The following GRM7 variants were observed in gnomAD, a reference collection of about 807,000 sequenced individuals.
The protein encoded by GRM7 is glutamate metabotropic receptor 7.
GRM7 carries 35 observed loss-of-function variants against 84.5 expected under a neutral mutation model. That is an observed-to-expected ratio of 0.41 (90% CI 0.32 to 0.55). The LOEUF is 0.55. Among genes scored for constraint, GRM7 ranks in the 20% least tolerant of loss-of-function variants. GRM7 has a pLI of 0.19. For missense variants in GRM7, 1,003 were observed against 1,194.6 expected (o/e 0.84, Z 2.36); for synonymous variants, 487 against 455.1 (o/e 1.07, Z -0.89).
chr3:6,931,002 C>A (rs1267721201), intron 1 of GRM7, among the ~76,000 whole-genome samples: 1 of 152,200 alleles, frequency 6.6e-6, no homozygotes, highest in Admixed American at 6.5e-5. Context: ...TCATTACCTC[C>A]ACACTCATAA....
chr3:6,917,049 C>T (rs1170604227), intron 1 of GRM7, among the ~76,000 whole-genome samples: 1 of 152,042 alleles, frequency 6.6e-6, no homozygotes, highest in East Asian at 1.9e-4. Flanking sequence ...TCAGAAGAAT[C>T]CCAGCCATGC....
intron 1 of GRM7, among the ~76,000 whole-genome samples, chr3:6,883,003 G>A (rs557449863): frequency 2.0e-5 from 3 of 152,294 alleles, no homozygotes; most frequent in Admixed American, 2.0e-4. Context: ...CTATGGAAGA[G>A]TTGCACTACC....
chr3:7,531,208 C>T (rs1056611936), intron 7 of GRM7, among the ~76,000 whole-genome samples: 1 of 152,040 alleles, frequency 6.6e-6, no homozygotes, highest in African/African-American at 2.4e-5. Flanking sequence ...GGGAATCTTC[C>T]CCATTGCTTG....
At chr3:7,197,327 A>G (rs1485888561) in intron 2 of GRM7, among the ~76,000 whole-genome samples, 1 of 152,198 alleles carries the variant, frequency 6.6e-6, no homozygotes, top group Non-Finnish European at 1.5e-5. Context: ...AAAGATGCAA[A>G]TAACATTCTT....
At chr3:7,216,895 A>C (rs192171310) in intron 2 of GRM7, among the ~76,000 whole-genome samples, 1 of 152,342 alleles carries the variant, frequency 6.6e-6, no homozygotes, top group African/African-American at 2.4e-5. Flanking sequence ...GTATTTGTGT[A>C]AATGCAGACA....
chr3:7,458,748 CAA>C (rs1698122761), intron 6 of GRM7, among the ~76,000 whole-genome samples: 1 of 152,104 alleles, frequency 6.6e-6, no homozygotes, highest in African/African-American at 2.4e-5. Context: ...TTTCTCCTCT[CAA>C]AGACTATGAA....
intron 4 of GRM7, among the ~76,000 whole-genome samples, chr3:7,337,549 A>T (rs1241523220): frequency 6.6e-6 from 1 of 152,068 alleles, no homozygotes; most frequent in African/African-American, 2.4e-5. Flanking sequence ...ATCTATAAGG[A>T]ACTCAAATCA....
intron 1 of GRM7, among the ~76,000 whole-genome samples, chr3:7,078,379 G>T (rs1016292434): frequency 6.6e-6 from 1 of 152,172 alleles, no homozygotes; most frequent in Non-Finnish European, 1.5e-5. Flanking sequence ...ATCATAGTTG[G>T]AGAAGCACGG....
chr3:7,350,599 C>A (rs1330990643), intron 4 of GRM7, among the ~76,000 whole-genome samples: 1 of 152,110 alleles, frequency 6.6e-6, no homozygotes, highest in East Asian at 1.9e-4. Context: ...ATTTCCCATT[C>A]TCAGGCATTT....
intron 1 of GRM7, among the ~76,000 whole-genome samples, chr3:6,885,559 C>G (rs75527879): frequency 6.6e-6 from 1 of 152,016 alleles, no homozygotes; most frequent in Admixed American, 6.6e-5. Flanking sequence ...TATCCAAGCC[C>G]GACCCCCAAA....
At chr3:7,137,305 G>A (rs1162507152) in intron 1 of GRM7, among the ~76,000 whole-genome samples, 10 of 152,096 alleles carry the variant, frequency 6.6e-5, no homozygotes, top group African/African-American at 1.4e-4. Context: ...ATTAGAAACC[G>A]AGAATTGGGC....
At chr3:6,882,864 T>C (rs904310767) in intron 1 of GRM7, among the ~76,000 whole-genome samples, 8 of 152,216 alleles carry the variant, frequency 5.3e-5, no homozygotes, top group African/African-American at 1.9e-4. Flanking sequence ...TCTCTTTTCT[T>C]TGGTACTACA....
chr3:7,107,744 C>T (rs983892512), intron 1 of GRM7, among the ~76,000 whole-genome samples: 1 of 151,866 alleles, frequency 6.6e-6, no homozygotes, highest in Non-Finnish European at 1.5e-5. Context: ...ATTTAAAGAG[C>T]TTTAGAGAAG....
At chr3:7,196,030 G>A (rs1695867974) in intron 2 of GRM7, among the ~76,000 whole-genome samples, 1 of 152,036 alleles carries the variant, frequency 6.6e-6, no homozygotes, top group Non-Finnish European at 1.5e-5. Flanking sequence ...ACCTACCTAT[G>A]TACCTACCTA....
chr3:6,944,419 C>A (rs560130223), intron 1 of GRM7, among the ~76,000 whole-genome samples: 1 of 152,126 alleles, frequency 6.6e-6, no homozygotes, highest in African/African-American at 2.4e-5. Flanking sequence ...TTTTCTGCAT[C>A]TATGGAGATT....
intron 2 of GRM7, among the ~76,000 whole-genome samples, chr3:7,183,950 A>G (rs1478491875): frequency 4.6e-5 from 7 of 152,332 alleles, no homozygotes; most frequent in Non-Finnish European, 5.9e-5. Flanking sequence ...GAAAAATGAT[A>G]CTTTGAAGAC....
At chr3:7,053,305 C>A (rs563628013) in intron 1 of GRM7, among the ~76,000 whole-genome samples, 1 of 150,940 alleles carries the variant, frequency 6.6e-6, no homozygotes, top group African/African-American at 2.4e-5. Context: ...CATTTATTGG[C>A]TAAATATTTT....
intron 2 of GRM7, among the ~76,000 whole-genome samples, chr3:7,241,614 C>T (rs1286825130): frequency 6.6e-6 from 1 of 151,992 alleles, no homozygotes; most frequent in Non-Finnish European, 1.5e-5. Flanking sequence ...TCCTAAATGC[C>T]AGGCTACCTG....
At chr3:6,905,888 C>A (rs564386768) in intron 1 of GRM7, among the ~76,000 whole-genome samples, 1 of 152,270 alleles carries the variant, frequency 6.6e-6, no homozygotes, top group Admixed American at 6.5e-5. Context: ...CTTGATTTAA[C>A]TAATGTAGTC....
Sources: allele counts gnomAD v4.1 joint callset (sites outside exome capture counted in the v4.1 genomes callset), GRCh38; gene constraint gnomAD v4.1.1; transcripts MANE v1.5; gene names NCBI Gene and HGNC (gene_info 2026-07-23, HGNC 2026-07-21).